FSTL4: variants seen among roughly 807,000 people sequenced by gnomAD.
FSTL4 encodes follistatin-related protein 4.
Under a neutral mutation model 78.2 loss-of-function variants are expected in FSTL4, and 28 were observed. The ratio of observed to expected loss-of-function variants is 0.36; its 90% CI spans 0.27 to 0.49. The LOEUF (loss-of-function observed/expected upper bound fraction) is 0.49. Among genes scored for constraint, FSTL4 ranks in the 20% least tolerant of loss-of-function variants. The pLI, the probability that FSTL4 is intolerant of heterozygous loss-of-function variation, is 0.98. For synonymous variants in FSTL4, 422 were observed against 440.5 expected (o/e 0.96, Z 0.53); for missense variants, 922 against 1,084.9 (o/e 0.85, Z 2.11).
chr5:133,796,288 C>T, the FSTL4 span, among the ~76,000 whole-genome samples: 1 of 152,176 alleles, frequency 6.6e-6, no homozygotes, highest in African/African-American at 2.4e-5. Context: ...CCCAGGTGGG[C>T]TTGTGTTACA....
chr5:133,745,922 C>A, the FSTL4 span, among the ~76,000 whole-genome samples: 2 of 152,302 alleles, frequency 1.3e-5, no homozygotes, highest in African/African-American at 2.4e-5. Context: ...GATGGATATA[C>A]CTGCAATTAA....
chr5:133,363,000 T>C lies in FSTL4; in HGVS notation c.409+37738A>G, dbSNP rs1755103597. 2.0e-5 allele frequency among the ~76,000 whole-genome samples: 3 copies of C among 152,220 alleles called. No homozygotes were observed. The South Asian group carries it at 6.2e-4, about 32-fold the overall frequency. ...TTCCTCCTCTCCTGTCTCCTATAGC[T>C]GTCAGCCCTTTAGAGCTCTTATTTT... On this transcript the variant is annotated intron_variant, in intron 4 of 15. Transcript: ENST00000265342.
Position 133,262,216 on chromosome 5 carries a change from C to T in FSTL4, c.728-12640G>A, listed in dbSNP as rs944251484. On this transcript the variant is annotated intron_variant, in intron 6 of 15. Coordinates refer to ENST00000265342, the MANE Select transcript of FSTL4 (RefSeq NM_015082.2). The stretch of plus-strand genomic sequence containing the variant: ...GAACAACTGCAGCTCCCCTGGAGGC[C>T]GACTCACTGCCCCAGCCCCTGTTCT... Among the ~76,000 whole-genome samples, 6 of 152,124 alleles carry T rather than the reference C, an allele frequency of 3.9e-5. No individual in the cohort carries two copies. In the South Asian group the frequency reaches 8.3e-4, roughly 21 times the overall value.
chr5:133,814,374 CGGGCA>C, the FSTL4 span, among the ~76,000 whole-genome samples: 1 of 152,054 alleles, frequency 6.6e-6, no homozygotes, highest in Non-Finnish European at 1.5e-5. Context: ...GAAACTGAAT[CGGGCA>C]GGAGTCCCTG....
chr5:133,580,621 G>T (rs942743553), intron 2 of FSTL4, among the ~76,000 whole-genome samples: 1 of 152,204 alleles, frequency 6.6e-6, no homozygotes, highest in Admixed American at 6.5e-5. Context: ...GACATCAGGC[G>T]GTCAGGCCGT....
intron 3 of FSTL4, among the ~76,000 whole-genome samples, chr5:133,451,429 C>A (rs1430023040): frequency 6.6e-6 from 1 of 152,038 alleles, no homozygotes; most frequent in Non-Finnish European, 1.5e-5. Flanking sequence ...GGCATGGTGG[C>A]AGGCACCTGT....
At chr5:133,212,668 G>A (rs1750771156) in intron 13 of FSTL4, among the ~76,000 whole-genome samples, 4 of 152,122 alleles carry the variant, frequency 2.6e-5, no homozygotes. Context: ...AGTTCCCAAA[G>A]AAGAGGTGAG....
At chr5:133,323,982 C>T (rs1754142405) in intron 4 of FSTL4, among the ~76,000 whole-genome samples, 1 of 152,168 alleles carries the variant, frequency 6.6e-6, no homozygotes, top group South Asian at 2.1e-4. Context: ...TCCCTTCACA[C>T]AGAGGAAGAT....
At chr5:133,543,897 T>G (rs1357034277) in intron 3 of FSTL4, among the ~76,000 whole-genome samples, 1 of 152,102 alleles carries the variant, frequency 6.6e-6, no homozygotes, top group African/African-American at 2.4e-5. Context: ...TCTCACTTCA[T>G]TTATTGTCTA....
At chr5:133,333,584 G>A (rs564762427) in intron 4 of FSTL4, among the ~76,000 whole-genome samples, 16 of 152,324 alleles carry the variant, frequency 1.1e-4, no homozygotes, top group African/African-American at 3.6e-4. Context: ...AAATCCAGAC[G>A]TCTGGGCTGG....
chr5:133,282,549 T>C (rs1753033562), intron 6 of FSTL4, among the ~76,000 whole-genome samples: 1 of 152,216 alleles, frequency 6.6e-6, no homozygotes, highest in South Asian at 2.1e-4. Flanking sequence ...ATACGATTCT[T>C]CTTGGGGGTG....
chr5:133,422,536 C>T (rs545708891), intron 3 of FSTL4, among the ~76,000 whole-genome samples: 44 of 150,426 alleles, frequency 2.9e-4, no homozygotes, highest in Non-Finnish European at 5.8e-4. Context: ...AGGGGGAAAA[C>T]GTGTCAAGAC....
At chr5:133,707,093 G>C in the FSTL4 span, among the ~76,000 whole-genome samples, 2 of 152,176 alleles carry the variant, frequency 1.3e-5, no homozygotes, top group Admixed American at 6.5e-5. Context: ...AAGAGGAGTG[G>C]TCAGAGGACC....
chr5:133,699,053 A>G, the FSTL4 span, among the ~76,000 whole-genome samples: 8 of 152,350 alleles, frequency 5.3e-5, no homozygotes, highest in Admixed American at 5.2e-4. Context: ...GAGGCAGTCA[A>G]TGGTGTCCTG....
At chr5:133,234,356 C>G (rs1418876178) in intron 7 of FSTL4, among the ~76,000 whole-genome samples, 6 of 152,232 alleles carry the variant, frequency 3.9e-5, no homozygotes, top group Non-Finnish European at 7.3e-5. Flanking sequence ...TCTCTGCAGC[C>G]TCACACGATG....
chr5:133,664,028 C>G, the FSTL4 span, among the ~76,000 whole-genome samples: 1 of 149,388 alleles, frequency 6.7e-6, no homozygotes, highest in South Asian at 2.1e-4. Context: ...TGGGCTTGTA[C>G]TGTATGAGTG....
rs113895075 is a variant in FSTL4, at chr5:133,567,306, C to T, written c.127-87G>A. The stretch of plus-strand genomic sequence containing the variant: ...AATATCTCCTCTCTTGTTAGTCACA[C>T]ATTTATGAAAAGGTGAACAATCTAC... On this transcript the variant is annotated intron_variant, in intron 2 of 15. Coordinates refer to ENST00000265342, the MANE Select transcript of FSTL4 (RefSeq NM_015082.2). 8.5e-4 allele frequency: 832 copies of T among 984,058 alleles called. 4 individuals are homozygous for T. The African/African-American group carries it at 9.2e-3, about 11-fold the overall frequency. The allele number at this position is 984,058 out of a possible 1,614,324, so 61.0% of individuals were successfully genotyped here. A position where few individuals can be genotyped will look rare whatever the true frequency, so the allele number is the denominator to read the frequency against.
At chr5:133,752,974 G>C in the FSTL4 span, among the ~76,000 whole-genome samples, 1 of 152,200 alleles carries the variant, frequency 6.6e-6, no homozygotes, top group African/African-American at 2.4e-5. Context: ...AGACCTCTTT[G>C]TGATTCTCAT....
chr5:133,699,557 G>A, the FSTL4 span, among the ~76,000 whole-genome samples: 1 of 152,142 alleles, frequency 6.6e-6, no homozygotes, highest in Non-Finnish European at 1.5e-5. Context: ...GTGCTAGTCT[G>A]TTTTCACTGT....
Sources: gnomAD v4.1 joint callset for allele counts (sites outside exome capture counted in the v4.1 genomes callset) on GRCh38, gnomAD v4.1.1 for gene constraint, MANE v1.5 for transcripts, NCBI Gene and HGNC (gene_info 2026-07-23, HGNC 2026-07-21) for gene names.